Variants in PPP1R16B observed in about 807,000 individuals in gnomAD.
PPP1R16B encodes protein phosphatase 1 regulatory inhibitor subunit 16B.
PPP1R16B carries 14 observed loss-of-function variants against 61.7 expected under a neutral mutation model. That is an observed-to-expected ratio of 0.23 (90% CI 0.15 to 0.35). PPP1R16B has a LOEUF of 0.35. Among genes scored for constraint, PPP1R16B ranks in the 10% least tolerant of loss-of-function variants. The probability of loss-of-function intolerance (pLI) is 1.00; values close to 1 mark genes in which losing one functional copy is unlikely to be tolerated. For missense variants in PPP1R16B, 547 were observed against 752.5 expected (o/e 0.73, Z 3.19); for synonymous variants, 266 against 305.3 (o/e 0.87, Z 1.34).
At chr20:38,835,766 C>CAGAT (rs1348653863) in intron 1 of PPP1R16B, 59 bp from the exon 2 acceptor site, 1 of 870,694 alleles carries the variant, frequency 1.1e-6, no homozygotes, top group Non-Finnish European at 1.7e-6. Context: ...GGGGGACGAT[C>CAGAT]AGATCTGAGT....
chr20:38,904,182 T>A (rs569490378), intron 6 of PPP1R16B, among the ~76,000 whole-genome samples: 1 of 152,248 alleles, frequency 6.6e-6, no homozygotes, highest in Non-Finnish European at 1.5e-5. Flanking sequence ...GTAGGAAGTC[T>A]GACTATTTCT....
At chr20:38,815,819 T>C (rs1031632366) in intron 1 of PPP1R16B, among the ~76,000 whole-genome samples, 6 of 152,200 alleles carry the variant, frequency 3.9e-5, no homozygotes, top group African/African-American at 1.4e-4. Flanking sequence ...AGGCTTGGAA[T>C]TGGATACAAA....
chr20:38,910,194 G>A (rs182785100), intron 10 of PPP1R16B, among the ~76,000 whole-genome samples: 281 of 152,244 alleles, frequency 1.8e-3, no homozygotes, highest in African/African-American at 6.4e-3. Context: ...GGCCAGGCTG[G>A]TGTTGAAGTT....
At chr20:38,823,896 C>T (rs979285793) in intron 1 of PPP1R16B, among the ~76,000 whole-genome samples, 6 of 152,102 alleles carry the variant, frequency 3.9e-5, no homozygotes, top group Non-Finnish European at 7.4e-5. Flanking sequence ...GTCATGCCTC[C>T]GTGGCTCATC....
At chr20:38,832,825 G>A (rs1310815451) in intron 1 of PPP1R16B, among the ~76,000 whole-genome samples, 1 of 151,816 alleles carries the variant, frequency 6.6e-6, no homozygotes, top group African/African-American at 2.4e-5. Context: ...GGCTGAGGTG[G>A]GAGAATCGCT....
rs920376596 is a variant in PPP1R16B, at chr20:38,920,481, C to T, written c.*1815C>T. ...AGACCATCCCCGCCTTGTGCCACAA[C>T]TTTGGTCATGGGATCTGCTCTTTGT... is the stretch of plus-strand genomic sequence containing the variant. On this transcript the variant is annotated 3_prime_UTR_variant, in exon 11 of 11. Coordinates refer to ENST00000299824, the MANE Select transcript of PPP1R16B (RefSeq NM_015568.4). The T allele has an allele frequency of 6.6e-5, 10 of 152,658 alleles. No homozygotes were observed. The highest frequency in any genetic ancestry group is 5.2e-4 in the Admixed American group (8 of 15,294). 9.5% of individuals were successfully genotyped at this position (152,658 alleles called of 1,614,324 possible). A position where few individuals can be genotyped will look rare whatever the true frequency, so the allele number is the denominator to read the frequency against.
chr20:38,844,032 CA>C (rs1339705831), intron 2 of PPP1R16B, among the ~76,000 whole-genome samples: 1 of 152,100 alleles, frequency 6.6e-6, no homozygotes, highest in African/African-American at 2.4e-5. Flanking sequence ...AGGTTAGTTG[CA>C]GTGCTGAATC....
chr20:38,875,492 C>T lies in PPP1R16B; in HGVS notation c.251-14103C>T, dbSNP rs576681449. Among the ~76,000 whole-genome samples, 6 of 152,344 alleles carry T rather than the reference C, an allele frequency of 3.9e-5. No homozygotes were observed. In the East Asian group the frequency reaches 1.2e-3, roughly 29 times the overall value. On this transcript the variant is annotated intron_variant, in intron 2 of 10. Coordinates refer to ENST00000299824, the MANE Select transcript of PPP1R16B (RefSeq NM_015568.4). ...GACAGGGCCCCCCAGGCAGGTGGGG[C>T]TGCAAGGCAGTCAGCATACCTTGCA...
chr20:38,806,848 G>C lies in PPP1R16B; in HGVS notation c.-102+1056G>C, dbSNP rs2084665472. Among the ~76,000 whole-genome samples the C allele has an allele frequency of 6.6e-6, 1 of 152,200 alleles. No individual in the cohort carries two copies. Among genetic ancestry groups the C allele is most frequent in the Non-Finnish European group, 1.5e-5 (1 of 68,020 alleles). ...CCCCAGGGCTGCGCCGCTGCCGCGC[G>C]CCAGGCCTGGGTCCCGGTGCTCCCG... On this transcript the variant is annotated intron_variant, in intron 1 of 10. Transcript: ENST00000299824. The surrounding 1 kb of genome is among the most constrained non-coding windows in gnomAD (Gnocchi z 4.5).
chr20:38,892,449 C>T (rs1801656550), intron 3 of PPP1R16B, among the ~76,000 whole-genome samples: 1 of 152,106 alleles, frequency 6.6e-6, no homozygotes, highest in African/African-American at 2.4e-5. Context: ...GCCTTGGGCC[C>T]CATGTTGGGG....
At chr20:38,879,397 G>A (rs1166579220) in intron 2 of PPP1R16B, among the ~76,000 whole-genome samples, 2 of 151,986 alleles carry the variant, frequency 1.3e-5, no homozygotes, top group Non-Finnish European at 2.9e-5. Context: ...TGAGGAAATC[G>A]AATACACAAA....
At chr20:38,878,292 C>T (rs1327784257) in intron 2 of PPP1R16B, among the ~76,000 whole-genome samples, 1 of 152,102 alleles carries the variant, frequency 6.6e-6, no homozygotes, top group Non-Finnish European at 1.5e-5. Context: ...AGAGTAGCAT[C>T]TTTAGGAAAG....
intron 2 of PPP1R16B, among the ~76,000 whole-genome samples, chr20:38,846,856 T>A (rs1249756244): frequency 6.6e-6 from 1 of 151,956 alleles, no homozygotes; most frequent in African/African-American, 2.4e-5. Flanking sequence ...ATTTAAAAAA[T>A]TATCCAGGTG....
At position 38,907,891 on chromosome 20, in the gene PPP1R16B, C is replaced by T. The variant is rs2085457164; in HGVS notation, c.984C>T (p.His328=). 1 of 1,614,246 alleles carries T rather than the reference C, an allele frequency of 6.2e-7. No individual in the cohort carries two copies. Among genetic ancestry groups the T allele is most frequent in the Non-Finnish European group, 8.5e-7 (1 of 1,180,050 alleles). Residue 328 remains histidine, a synonymous_variant, in exon 9 of 11, where the codon CAC becomes CAT. Coordinates refer to ENST00000299824, the MANE Select transcript of PPP1R16B (RefSeq NM_015568.4). This position sits in a 1 kb window ranked among gnomAD's most constrained non-coding sequence, Gnocchi z 4.5. ...TGATCATGAAGTCACAGCTGAGGCA[C>T]AAGTCATCCTTGAGCCGGAGGACCT... ...HDVIMKSQLR[H]KSSLSRRTSS...
intron 2 of PPP1R16B, among the ~76,000 whole-genome samples, chr20:38,843,108 C>T (rs140989377): frequency 0.01 from 1,561 of 152,306 alleles, 28 homozygotes; most frequent in African/African-American, 0.036. Flanking sequence ...ATTCTTAAAA[C>T]CTGAGAACTC....
intron 2 of PPP1R16B, among the ~76,000 whole-genome samples, chr20:38,837,091 C>T (rs964560198): frequency 2.6e-5 from 4 of 152,194 alleles, no homozygotes; most frequent in Non-Finnish European, 4.4e-5. Context: ...CCGTGTATTC[C>T]GTGTATGTAG....
intron 1 of PPP1R16B, among the ~76,000 whole-genome samples, chr20:38,815,555 A>G (rs2084730162): frequency 1.3e-5 from 2 of 152,212 alleles, no homozygotes; most frequent in African/African-American, 4.8e-5. Context: ...GGCAGTTTCA[A>G]CTGTGATAGA....
chr20:38,868,611 G>A (rs2085105707), intron 2 of PPP1R16B, among the ~76,000 whole-genome samples: 1 of 152,144 alleles, frequency 6.6e-6, no homozygotes, highest in African/African-American at 2.4e-5. Flanking sequence ...TTGAACTCCT[G>A]GCCTCAAGTG....
chr20:38,896,875 G>A (rs976608492), intron 4 of PPP1R16B, among the ~76,000 whole-genome samples: 7 of 152,162 alleles, frequency 4.6e-5, no homozygotes, highest in African/African-American at 1.4e-4. Context: ...GGCCGGGCAC[G>A]GTAGCTCACG....
Sources: gnomAD v4.1 joint callset for allele counts (sites outside exome capture counted in the v4.1 genomes callset) on GRCh38, gnomAD v4.1.1 for gene constraint, Gnocchi (gnomAD v3.1) non-coding constraint, MANE v1.5 for transcripts, NCBI Gene and HGNC (gene_info 2026-07-23, HGNC 2026-07-21) for gene names.